DNAJC15: variants seen among roughly 807,000 people sequenced by gnomAD.
DNAJC15 encodes DnaJ heat shock protein family (Hsp40) member C15, also known as dnaJ homolog subfamily C member 15.
In DNAJC15, 27 loss-of-function variants were observed where a neutral mutation model predicts 22.4. That is an observed-to-expected ratio of 1.20 (90% CI 0.89 to 1.66). The LOEUF is 1.66. Ranked by LOEUF, DNAJC15 falls within the 40% of genes most tolerant of loss-of-function variation. DNAJC15 has a pLI of 0.00. For synonymous variants in DNAJC15, 79 were observed against 63.2 expected (o/e 1.25, Z -1.19); for missense variants, 208 against 187.1 (o/e 1.11, Z -0.65).
intron 5 of DNAJC15, among the ~76,000 whole-genome samples, chr13:43,102,391 C>T (rs2040773582): frequency 6.6e-6 from 1 of 152,010 alleles, no homozygotes; most frequent in Non-Finnish European, 1.5e-5. Flanking sequence ...TCTGTTTATT[C>T]TGCTGATTAT....
At chr13:43,058,295 A>G (rs1361003390) in intron 1 of DNAJC15, among the ~76,000 whole-genome samples, 1 of 152,122 alleles carries the variant, frequency 6.6e-6, no homozygotes, top group Non-Finnish European at 1.5e-5. Context: ...TCACCTGGAT[A>G]AGTATTTGGT....
intron 5 of DNAJC15, among the ~76,000 whole-genome samples, chr13:43,106,133 G>A (rs1343029771): frequency 6.6e-6 from 1 of 152,140 alleles, no homozygotes; most frequent in South Asian, 2.1e-4. Context: ...CCAGAAAAAA[G>A]TCAGAACAAT....
chr13:43,088,670 ATTAT>A (rs1275092368), intron 5 of DNAJC15, among the ~76,000 whole-genome samples: 1 of 152,174 alleles, frequency 6.6e-6, no homozygotes, highest in African/African-American at 2.4e-5. Context: ...ATTTTCTCTA[ATTAT>A]TCTCATTGTA....
In DNAJC15 at chr13:43,068,906, GCTTTTATTCC is replaced by G; in HGVS notation, c.161-19_161-10del. Reference sequence around the variant, plus strand: ...GATTTTGATTATAGAAAATACATTTGCTTTTATTCCCTTTACTATTTAGGTCGCTACGCAT... The same window carrying G: ...GATTTTGATTATAGAAAATACATTTGCTTTACTATTTAGGTCGCTACGCAT... On this transcript the variant is annotated splice_polypyrimidine_tract_variant and intron_variant, in intron 2 of 5. Transcript: ENST00000379221. 1 of 1,596,120 alleles carries G rather than the reference GCTTTTATTCC, an allele frequency of 6.3e-7. No individual in the cohort carries two copies.
intron 1 of DNAJC15, among the ~76,000 whole-genome samples, chr13:43,051,206 G>GACCTCAGACGATCCACCC (rs2040501323): frequency 6.6e-6 from 1 of 152,172 alleles, no homozygotes; most frequent in South Asian, 2.1e-4. Context: ...TCGAACTCCT[G>GACCTCAGACGATCCACCC]ACCTCAGACG....
chr13:43,040,585 G>C (rs146367021), intron 1 of DNAJC15, among the ~76,000 whole-genome samples: 1 of 152,090 alleles, frequency 6.6e-6, no homozygotes, highest in African/African-American at 2.4e-5. Context: ...GGCGTTTCTC[G>C]TTAGGTGGAA....
Position 43,057,989 on chromosome 13 carries a change from C to T in DNAJC15, c.109-7697C>T, listed in dbSNP as rs529624544. 2.3e-3 allele frequency among the ~76,000 whole-genome samples: 345 copies of T among 152,270 alleles called. 5 individuals carry two copies. Among genetic ancestry groups the T allele is most frequent in the African/African-American group, 8.1e-3 (335 of 41,538 alleles). On this transcript the variant is annotated intron_variant, in intron 1 of 5. Transcript: ENST00000379221. ...GTCTCTCAGCTGTAGATACCAGCAC[C>T]TGCTCCAGTGGAGGTAGCATGGGAG...
intron 5 of DNAJC15, among the ~76,000 whole-genome samples, chr13:43,097,270 A>G (rs2040744242): frequency 6.6e-6 from 1 of 152,196 alleles, no homozygotes; most frequent in Non-Finnish European, 1.5e-5. Context: ...AAGAAAGAAT[A>G]TTTCAGGCTG....
intron 4 of DNAJC15, among the ~76,000 whole-genome samples, chr13:43,080,514 G>T (rs1486671118): frequency 6.6e-6 from 1 of 152,204 alleles, no homozygotes; most frequent in Non-Finnish European, 1.5e-5. Flanking sequence ...TTGCCACAGT[G>T]AACATATGTC....
chr13:43,073,049 TTC>T (rs960196869), intron 3 of DNAJC15, among the ~76,000 whole-genome samples: 3 of 152,240 alleles, frequency 2.0e-5, no homozygotes, highest in Admixed American at 2.0e-4. Context: ...TTCATATTGG[TTC>T]TTTTTTTCCC....
intron 5 of DNAJC15, among the ~76,000 whole-genome samples, chr13:43,093,500 T>A (rs2040725015): frequency 6.6e-6 from 1 of 152,176 alleles, no homozygotes; most frequent in African/African-American, 2.4e-5. Flanking sequence ...AGCCTCGGCC[T>A]CTCAGACTCA....
intron 1 of DNAJC15, among the ~76,000 whole-genome samples, chr13:43,053,125 G>T (rs9567104): frequency 0.21 from 32,359 of 152,106 alleles, 3,609 homozygotes; most frequent in South Asian, 0.38. Context: ...CATGTGGCTT[G>T]CCAGTTATCT....
rs542579794 is a variant in DNAJC15, at chr13:43,040,742, G to A, written c.108+17008G>A. ...ATTGGTCATTCTTGGGTGTTTCTCGGAGAGGGGGATGTGGCAGGGTCATAG... is the reference window on the plus strand; with the variant it reads ...ATTGGTCATTCTTGGGTGTTTCTCGAAGAGGGGGATGTGGCAGGGTCATAG... On this transcript the variant is annotated intron_variant, in intron 1 of 5. Coordinates refer to ENST00000379221, the MANE Select transcript of DNAJC15 (RefSeq NM_013238.3). Among the ~76,000 whole-genome samples the A allele has an allele frequency of 5.5e-4, 83 of 152,260 alleles. 1 individual carries two copies. The South Asian group carries it at 0.016, about 29-fold the overall frequency.
chr13:43,024,303 A>G (rs2040368221), intron 1 of DNAJC15, among the ~76,000 whole-genome samples: 1 of 151,072 alleles, frequency 6.6e-6, no homozygotes, highest in South Asian at 2.1e-4. Context: ...ACTGTCCAAC[A>G]GAAGCATATT....
rs1445310544 is a variant in DNAJC15, at chr13:43,108,570, C to A, written c.*1322C>A. On this transcript the variant is annotated 3_prime_UTR_variant, in exon 6 of 6. Transcript: ENST00000379221. ...ATATCCTAGATGCATCTTTCAACTT[C>A]TAACATTCTGTAGTTTAGGAGTTCT... The A allele has an allele frequency of 6.6e-6, 1 of 152,170 alleles. No homozygotes were observed. The highest frequency in any genetic ancestry group is 2.4e-5 in the African/African-American group (1 of 41,450). 9.4% of individuals were successfully genotyped at this position (152,170 alleles called of 1,614,324 possible). A position where few individuals can be genotyped will look rare whatever the true frequency, so the allele number is the denominator to read the frequency against.
intron 1 of DNAJC15, among the ~76,000 whole-genome samples, chr13:43,028,698 A>T (rs967509172): frequency 3.9e-5 from 6 of 152,156 alleles, no homozygotes; most frequent in Admixed American, 2.6e-4. Context: ...TTCCTTCATG[A>T]AATTTTATGG....
chr13:43,096,550 A>G (rs2040740552), intron 5 of DNAJC15, among the ~76,000 whole-genome samples: 2 of 152,222 alleles, frequency 1.3e-5, no homozygotes, highest in South Asian at 4.1e-4. Context: ...TCATTCAACA[A>G]AATTTACTGA....
At chr13:43,081,712 C>A (rs1248705651) in intron 4 of DNAJC15, among the ~76,000 whole-genome samples, 1 of 152,088 alleles carries the variant, frequency 6.6e-6, no homozygotes, top group South Asian at 2.1e-4. Context: ...GCTGGGATTA[C>A]AAGCAGAAGC....
chr13:43,073,384 T>C (rs2040617620), intron 3 of DNAJC15, among the ~76,000 whole-genome samples: 1 of 152,174 alleles, frequency 6.6e-6, no homozygotes, highest in Admixed American at 6.5e-5. Flanking sequence ...GGTTCTGAAA[T>C]GGGATCTGCT....
Sources: allele counts gnomAD v4.1 joint callset (sites outside exome capture counted in the v4.1 genomes callset), GRCh38; gene constraint gnomAD v4.1.1; transcripts MANE v1.5; gene names NCBI Gene and HGNC (gene_info 2026-07-23, HGNC 2026-07-21).